The following CPNE9 variants were observed in gnomAD, a reference collection of about 807,000 sequenced individuals.
CPNE9 encodes copine-9.
In CPNE9, 59 loss-of-function variants were observed where a neutral mutation model predicts 83.0. That is an observed-to-expected ratio of 0.71 (90% CI 0.58 to 0.88). The LOEUF (loss-of-function observed/expected upper bound fraction) is 0.88. Ranked by LOEUF, CPNE9 falls within the 40% of genes least tolerant of loss-of-function variation. CPNE9 has a pLI of 0.00. For missense variants in CPNE9, 619 were observed against 720.8 expected (o/e 0.86, Z 1.62); for synonymous variants, 256 against 273.4 (o/e 0.94, Z 0.63).
rs187733969 is a variant in CPNE9, at chr3:9,705,097, C to G, written c.260+103C>G. On this transcript the variant is annotated intron_variant, in intron 4 of 20. Coordinates refer to ENST00000383832, the MANE Select transcript of CPNE9 (RefSeq NM_153635.3). ...GCCTCGCCTCCGGCCTGGTTCTTCT[C>G]GCAGGCCTCCCTCCCATTCTGAATG... 2.0e-5 allele frequency: 17 copies of G among 841,652 alleles called. No homozygotes were observed. In the South Asian group the frequency reaches 2.0e-4, roughly 10 times the overall value. 52.1% of individuals were successfully genotyped at this position (841,652 alleles called of 1,614,324 possible).
At chr3:9,712,460 G>A (rs111431147) in intron 7 of CPNE9, 81 bp from the exon 8 acceptor site, 14,764 of 1,105,330 alleles carry the variant, frequency 0.013, 125 homozygotes, top group Non-Finnish European at 0.018. Flanking sequence ...GAATCCCCTG[G>A]CCCACCTAAC....
Position 9,718,836 on chromosome 3 carries a change from T to C in CPNE9, c.1241+234T>C, listed in dbSNP as rs973048758. Among the ~76,000 whole-genome samples the C allele has an allele frequency of 2.4e-4, 21 of 86,852 alleles. No homozygotes were observed. In the East Asian group the frequency reaches 2.9e-3, roughly 12 times the overall value. 57.0% of individuals were successfully genotyped at this position (86,852 alleles called of 152,430 possible). On this transcript the variant is annotated intron_variant, in intron 17 of 20. Transcript: ENST00000383832. Reference sequence around the variant, plus strand: ...GGCAATTTAGTGAGACCCCATCTCTTTTTTTTTTTTTTTTTTTTTGAGACA... The same window carrying C: ...GGCAATTTAGTGAGACCCCATCTCTCTTTTTTTTTTTTTTTTTTTGAGACA...
chr3:9,711,500 A>G (rs2076628757), intron 7 of CPNE9, among the ~76,000 whole-genome samples: 1 of 152,166 alleles, frequency 6.6e-6, no homozygotes, highest in African/African-American at 2.4e-5. Context: ...TATAGGCGTG[A>G]GCCATCGCGC....
chr3:9,709,364 A>ATTT lies in CPNE9; in HGVS notation c.378-3162_378-3160dup, dbSNP rs1199207151. Among the ~76,000 whole-genome samples the ATTT allele has an allele frequency of 4.4e-5, 6 of 137,076 alleles. No homozygotes were observed. In the East Asian group the frequency reaches 8.6e-4, roughly 20 times the overall value. 89.9% of individuals were successfully genotyped at this position (137,076 alleles called of 152,430 possible). Reference sequence around the variant, plus strand: ...AAGAGAGGTCAAGAATAAGTTTATAATTTTTTTTTTTTTTTTTGAGACAGA... The same window carrying ATTT: ...AAGAGAGGTCAAGAATAAGTTTATAATTTTTTTTTTTTTTTTTTTTGAGACAGA... On this transcript the variant is annotated intron_variant, in intron 7 of 20. Transcript: ENST00000383832.
chr3:9,708,701 C>A (rs977890986), intron 7 of CPNE9, among the ~76,000 whole-genome samples: 1 of 151,614 alleles, frequency 6.6e-6, no homozygotes, highest in Non-Finnish European at 1.5e-5. Context: ...GGGGAGATCT[C>A]GGCTCACTGC....
Position 9,727,204 on chromosome 3 carries a change from G to A in CPNE9, c.1476+18G>A, listed in dbSNP as rs969658390. ...TCGTTCAGGTAGACCTGACGTGGGA[G>A]AGGCTGTGGAGCTGAGAGGCACAGT... is the stretch of plus-strand genomic sequence containing the variant. On this transcript the variant is annotated intron_variant, in intron 20 of 20. Coordinates refer to ENST00000383832, the MANE Select transcript of CPNE9 (RefSeq NM_153635.3). 6 of 1,614,116 alleles carry A rather than the reference G, an allele frequency of 3.7e-6. No individual in the cohort carries two copies. In the African/African-American group the frequency reaches 6.7e-5, roughly 18 times the overall value.
chr3:9,710,890 T>TGTA (rs1160299545), intron 7 of CPNE9, among the ~76,000 whole-genome samples: 1 of 151,978 alleles, frequency 6.6e-6, no homozygotes, highest in African/African-American at 2.4e-5. Flanking sequence ...ATTAGCCAGG[T>TGTA]GTAGTGTGTG....
intron 6 of CPNE9, 64 bp downstream of exon 6, chr3:9,705,784 G>T: frequency 6.4e-7 from 1 of 1,558,730 alleles, no homozygotes; most frequent in Non-Finnish European, 8.8e-7. Flanking sequence ...AACAGGCTTG[G>T]ACTGATGACC....
intron 20 of CPNE9, 104 bp downstream of exon 20, chr3:9,727,290 C>A (rs983713108): frequency 4.2e-6 from 5 of 1,194,048 alleles, no homozygotes; most frequent in Non-Finnish European, 5.0e-6. Flanking sequence ...CTACTTTTTT[C>A]CCCCGTCACT....
intron 11 of CPNE9, 21 bp from the exon 12 acceptor site, chr3:9,715,268 G>A (rs2076670844): frequency 6.2e-7 from 1 of 1,613,480 alleles, no homozygotes; most frequent in Non-Finnish European, 8.5e-7. Context: ...CTGCTGCTTA[G>A]CCACGCCCAC....
At chr3:9,718,258 A>C (rs777460460) in intron 16 of CPNE9, 48 bp downstream of exon 16, 91 of 1,532,546 alleles carry the variant, frequency 5.9e-5, no homozygotes, top group Non-Finnish European at 7.8e-5. Context: ...CATCTGGTTC[A>C]CCCAAGTTGA....
chr3:9,727,309 C>A, intron 20 of CPNE9, 123 bp downstream of exon 20: 1 of 1,053,180 alleles, frequency 9.5e-7, no homozygotes, highest in Non-Finnish European at 1.5e-6. Flanking sequence ...CTCTTTCATC[C>A]TTTCTCATTC....
In CPNE9 at chr3:9,729,819, A is replaced by AC; in HGVS notation, c.*128dup. 7.3e-7 allele frequency: 1 copy of AC among 1,363,996 alleles called. No homozygotes were observed. Among genetic ancestry groups the AC allele is most frequent in the Non-Finnish European group, 9.7e-7 (1 of 1,033,442 alleles). 84.5% of individuals were successfully genotyped at this position (1,363,996 alleles called of 1,614,324 possible). A position where few individuals can be genotyped will look rare whatever the true frequency, so the allele number is the denominator to read the frequency against. On this transcript the variant is annotated 3_prime_UTR_variant, in exon 21 of 21. Transcript: ENST00000383832. ...CAACTTGGAGGATCAGTGCTGGCTG[A>AC]CAAGCCCTCCGCCTCCTTGCCTGCA...
At position 9,713,015 on chromosome 3, in the gene CPNE9, C is replaced by T. The variant is rs1231867460; in HGVS notation, c.586C>T (p.Leu196=). The T allele has an allele frequency of 6.2e-7, 1 of 1,614,204 alleles. No individual in the cohort carries two copies. The highest frequency in any genetic ancestry group is 8.5e-7 in the Non-Finnish European group (1 of 1,180,032). Residue 196 remains leucine (L), a synonymous_variant, in exon 10 of 21, where the codon CTG becomes TTG. Coordinates refer to ENST00000383832, the MANE Select transcript of CPNE9 (RefSeq NM_153635.3). ...CAAGACAGAGGTTGTGAAAAACACG[C>T]TGAATCCTGTGTGGCAGCCCTTCAG... ...CHKTEVVKNT[L]NPVWQPFSIP...
In CPNE9 at chr3:9,729,750, T is replaced by C; in HGVS notation, c.*58T>C. 1 of 1,539,222 alleles carries C rather than the reference T, an allele frequency of 6.5e-7. No homozygotes were observed. Among genetic ancestry groups the C allele is most frequent in the Non-Finnish European group, 8.8e-7 (1 of 1,137,058 alleles). ...AAGCCTGCTCACCCACTGCTTCTGC[T>C]TTAAGCCAGAGGCACCTGGAACCCT... On this transcript the variant is annotated 3_prime_UTR_variant, in exon 21 of 21. Transcript: ENST00000383832.
At chr3:9,706,096 G>T in intron 7 of CPNE9, 33 bp downstream of exon 7, 1 of 1,603,232 alleles carries the variant, frequency 6.2e-7, no homozygotes, top group South Asian at 1.1e-5. Context: ...TGGGAGTGGG[G>T]TGGGGGCTTC....
chr3:9,721,269 G>C (rs1392065477), intron 17 of CPNE9, among the ~76,000 whole-genome samples: 3 of 152,220 alleles, frequency 2.0e-5, no homozygotes, highest in African/African-American at 4.8e-5. Context: ...TGTCAGCAAA[G>C]GCAAGCGACA....
chr3:9,705,431 C>T, intron 4 of CPNE9, 33 bp from the exon 5 acceptor site: 2 of 1,290,126 alleles, frequency 1.6e-6, no homozygotes, highest in Non-Finnish European at 2.2e-6. Context: ...CCCCACCCAG[C>T]CCCACCCCAC....
rs761256055 is a variant in CPNE9, at chr3:9,715,485, C to A, written c.781C>A (p.Arg261=). ...CTCCTCCCCTTAGGTTCTTAACCCT[C>A]GGAAGAAATGTAAGAAGAAGAAATA... is the stretch of plus-strand genomic sequence containing the variant. ...QFTVYEVLNP[R]KKCKKKKYVN... Residue 261 remains arginine, a synonymous_variant, in exon 13 of 21, where the codon CGG becomes AGG. Transcript: ENST00000383832. 6.2e-7 allele frequency: 1 copy of A among 1,613,972 alleles called. No individual in the cohort carries two copies. Among genetic ancestry groups the A allele is most frequent in the Non-Finnish European group, 8.5e-7 (1 of 1,179,850 alleles).
Sources: allele counts gnomAD v4.1 joint callset (sites outside exome capture counted in the v4.1 genomes callset), GRCh38; gene constraint gnomAD v4.1.1; transcripts MANE v1.5; gene names NCBI Gene and HGNC (gene_info 2026-07-23, HGNC 2026-07-21).